Variants in CPAMD8 observed in about 807,000 individuals in gnomAD.
CPAMD8 encodes C3 and PZP like alpha-2-macroglobulin domain containing 8.
Under a neutral mutation model 224.7 loss-of-function variants are expected in CPAMD8, and 146 were observed. The observed-to-expected ratio is 0.65, with a 90% CI of 0.57 to 0.75. The LOEUF is 0.75. Ranked by LOEUF, CPAMD8 falls within the 30% of genes least tolerant of loss-of-function variation. The pLI is 0.00. For missense variants in CPAMD8, 2,301 were observed against 2,537.5 expected, an observed-to-expected ratio of 0.91 and a Z score of 2.00; for synonymous variants, 966 against 1,044.6, an observed-to-expected ratio of 0.92 and a Z score of 1.45.
chr19:16,983,593 C>A (rs1420891012), intron 13 of CPAMD8, among the ~76,000 whole-genome samples: 1 of 151,776 alleles, frequency 6.6e-6, no homozygotes, highest in Non-Finnish European at 1.5e-5. Flanking sequence ...TCGTGAAAGA[C>A]AAGGAAAGAA....
chr19:16,920,746 C>G (rs886244854), intron 27 of CPAMD8, among the ~76,000 whole-genome samples: 1 of 151,310 alleles, frequency 6.6e-6, no homozygotes, highest in Non-Finnish European at 1.5e-5. Context: ...ATCCTAGCTA[C>G]TCAGGAGGCT....
At chr19:16,895,903 G>GCACACACA (rs57280906) in intron 41 of CPAMD8, 4 of 524,420 alleles carry the variant, frequency 7.6e-6, no homozygotes, top group Non-Finnish European at 7.3e-6. Flanking sequence ...GCGCGCGCAC[G>GCACACACA]CACACACACA....
chr19:17,014,028 C>T (rs12104415), intron 3 of CPAMD8, among the ~76,000 whole-genome samples: 1 of 35,632 alleles, frequency 2.8e-5, no homozygotes, highest in African/African-American at 8.1e-5. Flanking sequence ...CCATCCCTCC[C>T]TTCTTTCTTT....
At chr19:16,978,812 C>T (rs1262161200) in intron 14 of CPAMD8, among the ~76,000 whole-genome samples, 1 of 150,940 alleles carries the variant, frequency 6.6e-6, no homozygotes, top group Non-Finnish European at 1.5e-5. Flanking sequence ...CATCCATCCA[C>T]CATCTACCCA....
chr19:16,919,937 C>A (rs901875530), intron 27 of CPAMD8, among the ~76,000 whole-genome samples: 1 of 152,158 alleles, frequency 6.6e-6, no homozygotes, highest in Non-Finnish European at 1.5e-5. Context: ...GATCCAGGTT[C>A]TTAGAGGGAT....
intron 36 of CPAMD8, among the ~76,000 whole-genome samples, chr19:16,900,312 A>G (rs2052201440): frequency 6.6e-6 from 1 of 152,088 alleles, no homozygotes; most frequent in African/African-American, 2.4e-5. Flanking sequence ...ATAGTGTGAC[A>G]GTGGGCCCGG....
chr19:16,981,770 G>T (rs1393708407), intron 13 of CPAMD8, among the ~76,000 whole-genome samples: 1 of 152,196 alleles, frequency 6.6e-6, no homozygotes, highest in African/African-American at 2.4e-5. Flanking sequence ...CCCAGAAGAG[G>T]GATATCTGGA....
rs2054866568 is a variant in CPAMD8 at position 16,967,437 on chromosome 19, A to G, written c.2213+3454T>C. Among the ~76,000 whole-genome samples, 3 of 152,110 alleles carry G rather than the reference A, an allele frequency of 2.0e-5. No homozygotes were observed. The South Asian group carries it at 6.2e-4, about 32-fold the overall frequency. On this transcript the variant is annotated intron_variant, in intron 18 of 41. Coordinates refer to ENST00000443236, the MANE Select transcript of CPAMD8 (RefSeq NM_015692.5). ...AAACCAACATGGGACATGTATACCTATCAAACTTGCACATTGTGCACATGT... is the reference window on the plus strand; with the variant it reads ...AAACCAACATGGGACATGTATACCTGTCAAACTTGCACATTGTGCACATGT...
intron 22 of CPAMD8, among the ~76,000 whole-genome samples, chr19:16,943,011 CTTT>C (rs770885168): frequency 1.0e-4 from 8 of 79,426 alleles, no homozygotes; most frequent in South Asian, 3.1e-4. Context: ...TTTCTTTTTT[CTTT>C]TTTTTTTTTT....
At chr19:16,989,034 C>T (rs1302159693) in intron 13 of CPAMD8, among the ~76,000 whole-genome samples, 1 of 152,148 alleles carries the variant, frequency 6.6e-6, no homozygotes, top group Non-Finnish European at 1.5e-5. Context: ...TCCCACCACC[C>T]CCAGACGGGA....
In CPAMD8 at chr19:16,980,174, A is replaced by G. The variant is rs531618281; in HGVS notation, c.1585+323T>C. Among the ~76,000 whole-genome samples the G allele has an allele frequency of 5.3e-5, 8 of 152,286 alleles. No individual in the cohort carries two copies. The South Asian group carries it at 1.7e-3, about 32-fold the overall frequency. On this transcript the variant is annotated intron_variant, in intron 14 of 41. Transcript: ENST00000443236. ...ACATGGTGTCAAAAAGAGAAGAGGAAGAGGACTCATAGGCAGAACCGCCTG... is the reference window on the plus strand; with the variant it reads ...ACATGGTGTCAAAAAGAGAAGAGGAGGAGGACTCATAGGCAGAACCGCCTG...
intron 13 of CPAMD8, among the ~76,000 whole-genome samples, chr19:16,981,663 C>T (rs1371771489): frequency 1.3e-5 from 2 of 152,160 alleles, no homozygotes; most frequent in Non-Finnish European, 2.9e-5. Context: ...AGGGGGTTGG[C>T]GTGTGGCCAT....
chr19:16,952,895 A>G (rs1468124275), intron 19 of CPAMD8, among the ~76,000 whole-genome samples: 2 of 152,194 alleles, frequency 1.3e-5, no homozygotes, highest in Non-Finnish European at 2.9e-5. Context: ...GAGATTTTAC[A>G]TGGATCTCAA....
At position 16,989,780 on chromosome 19, in the gene CPAMD8, A is replaced by C. The variant is rs1282787203; in HGVS notation, c.1267-9T>G. 1.2e-6 allele frequency: 2 copies of C among 1,613,490 alleles called. No homozygotes were observed. Among genetic ancestry groups the C allele is most frequent in the African/African-American group, 2.7e-5 (2 of 74,888 alleles). On this transcript the variant is annotated splice_polypyrimidine_tract_variant and intron_variant, in intron 12 of 41. Transcript: ENST00000443236. ...AGTGCCATCACCTTGGTCTGAGAAG[A>C]GAAGATGCTTAGATCAACACCCGAG...
intron 19 of CPAMD8, among the ~76,000 whole-genome samples, chr19:16,954,036 G>A (rs2054383120): frequency 6.6e-6 from 1 of 152,172 alleles, no homozygotes; most frequent in Admixed American, 6.5e-5. Context: ...CGAGGTGGGT[G>A]GATCACTTGA....
At chr19:17,007,518 A>G (rs2056525970) in intron 7 of CPAMD8, among the ~76,000 whole-genome samples, 1 of 151,824 alleles carries the variant, frequency 6.6e-6, no homozygotes, top group Admixed American at 6.6e-5. Context: ...AGAAAGAACA[A>G]GAAAGAAGGA....
chr19:16,997,702 A>T (rs2056178641), intron 10 of CPAMD8, among the ~76,000 whole-genome samples: 1 of 152,070 alleles, frequency 6.6e-6, no homozygotes, highest in South Asian at 2.1e-4. Context: ...AATGTAAAAA[A>T]ATAGCTGGGC....
At position 17,026,537 on chromosome 19, in the gene CPAMD8, C is replaced by G; in HGVS notation, c.92+14G>C. 1 of 1,493,920 alleles carries G rather than the reference C, an allele frequency of 6.7e-7. No individual in the cohort carries two copies. The allele number at this position is 1,493,920 out of a possible 1,614,324, so 92.5% of individuals were successfully genotyped here. ...GAAGGCGACCGACCTCCTCTGTCGC[C>G]GGAGGATACTCACGGGGCCTGAGGC... On this transcript the variant is annotated intron_variant, in intron 1 of 41. Transcript: ENST00000443236.
intron 12 of CPAMD8, among the ~76,000 whole-genome samples, chr19:16,991,872 G>T (rs2055965634): frequency 6.7e-6 from 1 of 149,274 alleles, no homozygotes; most frequent in Admixed American, 6.7e-5. Flanking sequence ...AAAAACAACA[G>T]AACAGTGGCC....
Sources: allele counts gnomAD v4.1 joint callset (sites outside exome capture counted in the v4.1 genomes callset), GRCh38; gene constraint gnomAD v4.1.1; transcripts MANE v1.5; gene names NCBI Gene and HGNC (gene_info 2026-07-23, HGNC 2026-07-21).